RALGPS2: variants seen among roughly 807,000 people sequenced by gnomAD.
RALGPS2 encodes the protein ras-specific guanine nucleotide-releasing factor RalGPS2.
A neutral mutation model predicts 86.8 loss-of-function variants in RALGPS2; 43 were observed. The observed-to-expected ratio is 0.50, with a 90% CI of 0.39 to 0.64. The LOEUF (loss-of-function observed/expected upper bound fraction) is 0.64. RALGPS2 is among the 30% of genes least tolerant of loss of function. The pLI, the probability that RALGPS2 is intolerant of heterozygous loss-of-function variation, is 0.00. For missense variants in RALGPS2, 536 were observed against 694.6 expected, an observed-to-expected ratio of 0.77 and a Z score of 2.57; for synonymous variants, 243 against 231.3, an observed-to-expected ratio of 1.05 and a Z score of -0.46.
At chr1:178,772,071 G>A (rs1652836062) in intron 1 of RALGPS2, among the ~76,000 whole-genome samples, 1 of 152,146 alleles carries the variant, frequency 6.6e-6, no homozygotes, top group Non-Finnish European at 1.5e-5. Context: ...GCACTGCCAT[G>A]TTGTTTTTCT....
At chr1:178,741,470 T>C (rs1651021453) in intron 1 of RALGPS2, among the ~76,000 whole-genome samples, 1 of 152,342 alleles carries the variant, frequency 6.6e-6, no homozygotes, top group African/African-American at 2.4e-5. Context: ...TGTTACTGTT[T>C]CTTTTATGTT....
chr1:178,787,942 T>G (rs537219576), intron 4 of RALGPS2, among the ~76,000 whole-genome samples: 2 of 152,352 alleles, frequency 1.3e-5, no homozygotes, highest in South Asian at 4.1e-4. Context: ...ATCGCTCTGC[T>G]TAAAACACTT....
At chr1:178,818,821 T>C (rs183629234) in intron 6 of RALGPS2, among the ~76,000 whole-genome samples, 5 of 152,332 alleles carry the variant, frequency 3.3e-5, no homozygotes, top group Admixed American at 3.3e-4. Context: ...AATTTAGTTA[T>C]TTGTGTTCTT....
chr1:178,911,956 G>T (rs1660646063), intron 19 of RALGPS2, among the ~76,000 whole-genome samples: 1 of 152,154 alleles, frequency 6.6e-6, no homozygotes, highest in African/African-American at 2.4e-5. Flanking sequence ...TTATCATTAT[G>T]TAATGCCCTT....
intron 4 of RALGPS2, among the ~76,000 whole-genome samples, chr1:178,807,071 G>A (rs902831214): frequency 1.3e-5 from 2 of 152,180 alleles, no homozygotes; most frequent in Non-Finnish European, 2.9e-5. Flanking sequence ...GATAATTCAT[G>A]CCTGTAATCC....
Position 178,865,275 on chromosome 1 carries a change from T to C in RALGPS2, c.608-12223T>C, listed in dbSNP as rs1658319776. The C allele has an allele frequency of 2.5e-6, 4 of 1,614,020 alleles. No individual in the cohort carries two copies. In the Admixed American group the frequency reaches 6.7e-5, roughly 27 times the overall value. ...TCTAGTTCCCTGTATCTTGTTGCCA[T>C]CTTCAACATTTCTGTGGTGACATTG... On this transcript the variant is annotated intron_variant, in intron 8 of 19. Coordinates refer to ENST00000367635, the MANE Select transcript of RALGPS2 (RefSeq NM_152663.5).
chr1:178,870,878 TAA>T (rs1180495562), intron 8 of RALGPS2: 2 of 152,212 alleles, frequency 1.3e-5, no homozygotes, highest in Non-Finnish European at 2.9e-5. Context: ...ATCCAAGCTG[TAA>T]GAAGGAACTT....
chr1:178,900,353 A>T lies in RALGPS2; in HGVS notation c.1525-1753A>T, dbSNP rs190222267. Among the ~76,000 whole-genome samples the T allele has an allele frequency of 8.6e-3, 1,307 of 152,098 alleles. 17 individuals are homozygous for T. Among genetic ancestry groups the T allele is most frequent in the African/African-American group, 0.029 (1,211 of 41,544 alleles). ...GATCAACCTCACTTACTATTTAAAAATGCAAATTAAGGGAGACACTTTCCT... is the reference window on the plus strand; with the variant it reads ...GATCAACCTCACTTACTATTTAAAATTGCAAATTAAGGGAGACACTTTCCT... On this transcript the variant is annotated intron_variant, in intron 17 of 19. Coordinates refer to ENST00000367635, the MANE Select transcript of RALGPS2 (RefSeq NM_152663.5).
intron 1 of RALGPS2, among the ~76,000 whole-genome samples, chr1:178,774,700 A>G (rs974189649): frequency 6.6e-6 from 1 of 152,152 alleles, no homozygotes; most frequent in Non-Finnish European, 1.5e-5. Flanking sequence ...TAGTTTATTC[A>G]TTTTCACGTT....
intron 8 of RALGPS2, chr1:178,852,757 T>C: frequency 1.2e-6 from 2 of 1,613,930 alleles, no homozygotes; most frequent in Non-Finnish European, 1.7e-6. Flanking sequence ...ATCCCCTGCA[T>C]TTCCCTGGTA....
chr1:178,827,857 A>G (rs538997187), intron 7 of RALGPS2, among the ~76,000 whole-genome samples: 1 of 152,246 alleles, frequency 6.6e-6, no homozygotes, highest in Non-Finnish European at 1.5e-5. Flanking sequence ...AGAACACACA[A>G]TGGGGAAATG....
At chr1:178,902,320 C>T in intron 18 of RALGPS2, 109 bp downstream of exon 18, 1 of 797,072 alleles carries the variant, frequency 1.3e-6, no homozygotes, top group Non-Finnish European at 2.0e-6. Context: ...TTTATGCATA[C>T]ATGAAGAACT....
At chr1:178,872,837 T>C (rs75915052) in intron 8 of RALGPS2, among the ~76,000 whole-genome samples, 1,781 of 152,268 alleles carry the variant, frequency 0.012, 53 homozygotes, top group African/African-American at 0.041. Context: ...GTTAGATATG[T>C]TAAATTGAAA....
At chr1:178,729,528 G>A (rs1172200791) in intron 1 of RALGPS2, among the ~76,000 whole-genome samples, 3 of 152,166 alleles carry the variant, frequency 2.0e-5, no homozygotes, top group Non-Finnish European at 4.4e-5. Flanking sequence ...CAGCTGTGCA[G>A]TTAAAAAGAA....
At chr1:178,783,413 A>G (rs1558117591) in intron 2 of RALGPS2, among the ~76,000 whole-genome samples, 2 of 152,212 alleles carry the variant, frequency 1.3e-5, no homozygotes, top group African/African-American at 4.8e-5. Flanking sequence ...TGGGAACACC[A>G]GAAAGACAAG....
At chr1:178,755,369 A>G (rs897842618) in intron 1 of RALGPS2, among the ~76,000 whole-genome samples, 2 of 152,104 alleles carry the variant, frequency 1.3e-5, no homozygotes, top group Non-Finnish European at 2.9e-5. Flanking sequence ...GGTGCCCAGT[A>G]TCATTGCCAT....
At chr1:178,875,959 A>G (rs961613298) in intron 8 of RALGPS2, among the ~76,000 whole-genome samples, 2 of 152,166 alleles carry the variant, frequency 1.3e-5, no homozygotes, top group East Asian at 1.9e-4. Flanking sequence ...TGGAACCTCA[A>G]GATTCATTTG....
At chr1:178,727,445 A>C (rs1458651262) in intron 1 of RALGPS2, among the ~76,000 whole-genome samples, 3 of 152,196 alleles carry the variant, frequency 2.0e-5, no homozygotes, top group Non-Finnish European at 4.4e-5. Context: ...AGTTTGCCTA[A>C]ATTTTTTCAG....
intron 4 of RALGPS2, among the ~76,000 whole-genome samples, chr1:178,794,402 C>T (rs1049581613): frequency 6.6e-6 from 1 of 152,178 alleles, no homozygotes; most frequent in African/African-American, 2.4e-5. Context: ...GTGTGAGCCA[C>T]CACACCTGGC....
Sources: allele counts gnomAD v4.1 joint callset (sites outside exome capture counted in the v4.1 genomes callset), GRCh38; gene constraint gnomAD v4.1.1; transcripts MANE v1.5; gene names NCBI Gene and HGNC (gene_info 2026-07-23, HGNC 2026-07-21).